Variants in NSF observed in about 807,000 individuals in gnomAD.
NSF encodes the protein N-ethylmaleimide sensitive factor, vesicle fusing ATPase.
In NSF, 14 loss-of-function variants were observed where a neutral mutation model predicts 50.3. The ratio of observed to expected loss-of-function variants is 0.28; its 90% CI spans 0.18 to 0.44. The LOEUF (loss-of-function observed/expected upper bound fraction) is 0.44, where lower values mean the gene tolerates loss of function less well. NSF is among the 20% of genes least tolerant of loss of function. NSF has a pLI of 1.00. For synonymous variants in NSF, 109 were observed against 175.7 expected (o/e 0.62, Z 3.00); for missense variants, 218 against 504.3 (o/e 0.43, Z 5.44).
chr17:46,739,283 A>G (rs1011468421), intron 17 of NSF, among the ~76,000 whole-genome samples: 1 of 148,716 alleles, frequency 6.7e-6, no homozygotes, highest in Admixed American at 6.9e-5. Flanking sequence ...AGGCAGGAGA[A>G]TCGCTTGAAC....
intron 17 of NSF, among the ~76,000 whole-genome samples, chr17:46,734,128 T>C (rs2058977290): frequency 6.6e-6 from 1 of 152,232 alleles, no homozygotes; most frequent in Non-Finnish European, 1.5e-5. Context: ...ATAGGACATC[T>C]TGGTATCTTG....
rs377228000 is a variant in NSF at position 46,693,064 on chromosome 17, C to A, written c.1107C>A (p.Val369=). ...DGVEQLNNIL[V]IGMTNRPDLI... ...TGGAGCAGCTAAACAACATCCTAGT[C>A]ATTGGTATGTTTACTTTTTAAAAAA... The change falls in exon 10 of 21, where the codon GTC becomes GTA. Residue 369 remains valine (V), a synonymous_variant. Transcript: ENST00000398238. 19 of 1,610,610 alleles carry A rather than the reference C, an allele frequency of 1.2e-5. No individual in the cohort carries two copies. In the African/African-American group the frequency reaches 2.4e-4, roughly 21 times the overall value.
At chr17:46,751,389 C>A in intron 18 of NSF, 114 bp from the exon 19 acceptor site, 1 of 728,922 alleles carries the variant, frequency 1.4e-6, no homozygotes, top group Non-Finnish European at 2.3e-6. Context: ...AGAATTCTAT[C>A]AACTTGAACA....
At chr17:46,752,816 T>C (rs903507503) in intron 19 of NSF, among the ~76,000 whole-genome samples, 6 of 152,082 alleles carry the variant, frequency 3.9e-5, no homozygotes, top group Admixed American at 6.5e-5. Flanking sequence ...TTGCCCAGGC[T>C]TGAGTAGTGG....
intron 17 of NSF, among the ~76,000 whole-genome samples, chr17:46,738,947 C>CA (rs1410937417): frequency 6.7e-6 from 1 of 150,292 alleles, no homozygotes; most frequent in Admixed American, 6.6e-5. Context: ...ACTAAAAATA[C>CA]AAAAAAGTCC....
intron 17 of NSF, among the ~76,000 whole-genome samples, chr17:46,742,153 A>G (rs8065602): frequency 0.15 from 22,669 of 152,234 alleles, 3,356 homozygotes; most frequent in East Asian, 0.6. Flanking sequence ...TAGCTAATCA[A>G]TTGATTAAAA....
At chr17:46,749,631 T>C in intron 17 of NSF, 142 bp from the exon 18 acceptor site, 1 of 742,138 alleles carries the variant, frequency 1.3e-6, no homozygotes, top group Non-Finnish European at 2.0e-6. Flanking sequence ...AGGAAAATCC[T>C]GAATTGTTTT....
chr17:46,745,726 A>G (rs1037436620), intron 17 of NSF, among the ~76,000 whole-genome samples: 15 of 152,328 alleles, frequency 9.8e-5, no homozygotes, highest in African/African-American at 3.4e-4. Context: ...CATACTGAGG[A>G]TGTATCAGCA....
chr17:46,722,042 T>C, intron 15 of NSF: 1 of 1,609,584 alleles, frequency 6.2e-7, no homozygotes, highest in Non-Finnish European at 8.5e-7. Flanking sequence ...AATATTCAGC[T>C]CCCTGAGCTG....
chr17:46,709,011 G>A (rs960351766), intron 13 of NSF, among the ~76,000 whole-genome samples: 3 of 151,250 alleles, frequency 2.0e-5, no homozygotes, highest in Admixed American at 2.0e-4. Context: ...TTTTAGTAGA[G>A]ACGAGGTTTC....
chr17:46,634,580 A>G (rs1410819608), intron 4 of NSF, among the ~76,000 whole-genome samples: 1 of 64,640 alleles, frequency 1.5e-5, no homozygotes, highest in South Asian at 5.7e-4. Flanking sequence ...CTACTTGAGA[A>G]TCTGAGGCAC....
chr17:46,756,721 C>T lies in NSF; in HGVS notation c.*898C>T, dbSNP rs1370258764. 6.6e-6 allele frequency: 1 copy of T among 152,584 alleles called. No homozygotes were observed. The highest frequency in any genetic ancestry group is 2.4e-5 in the African/African-American group (1 of 41,418). 9.5% of individuals were successfully genotyped at this position (152,584 alleles called of 1,614,324 possible). On this transcript the variant is annotated 3_prime_UTR_variant, in exon 21 of 21. Transcript: ENST00000398238. ...CACTGCTTTTTCCTTAGCTTAATGA[C>T]TTACTTAGAATTTATCCTTTATTTT...
At chr17:46,732,783 CAGG>C (rs2058962935) in intron 17 of NSF, among the ~76,000 whole-genome samples, 3 of 152,224 alleles carry the variant, frequency 2.0e-5, no homozygotes, top group South Asian at 2.1e-4. Context: ...CTGTGTTCTG[CAGG>C]AGAAGAGATC....
intron 9 of NSF, among the ~76,000 whole-genome samples, chr17:46,685,428 G>T (rs888902523): frequency 6.6e-6 from 1 of 151,782 alleles, no homozygotes; most frequent in African/African-American, 2.4e-5. Context: ...ACATAATAAA[G>T]AAAAACATCA....
chr17:46,715,429 G>A (rs2058758888), intron 15 of NSF, among the ~76,000 whole-genome samples: 1 of 152,162 alleles, frequency 6.6e-6, no homozygotes, highest in African/African-American at 2.4e-5. Context: ...TGTAGCTGTT[G>A]AATGTCCCAT....
intron 1 of NSF, among the ~76,000 whole-genome samples, chr17:46,610,099 TTC>T (rs369452486): frequency 0.21 from 18,410 of 89,516 alleles, 3,725 homozygotes; most frequent in African/African-American, 0.53. Context: ...TTTTCTCTCT[TTC>T]TCTCTCTCTC....
At chr17:46,739,483 G>A (rs1315203136) in intron 17 of NSF, among the ~76,000 whole-genome samples, 1 of 151,212 alleles carries the variant, frequency 6.6e-6, no homozygotes, top group Admixed American at 6.6e-5. Flanking sequence ...AGGCTGCAGT[G>A]AGTGGAGATC....
intron 9 of NSF, among the ~76,000 whole-genome samples, chr17:46,685,409 A>G (rs2058487708): frequency 6.6e-6 from 1 of 151,724 alleles, no homozygotes; most frequent in African/African-American, 2.4e-5. Flanking sequence ...CAGGATATAT[A>G]TGTGTGTTAC....
chr17:46,605,056 A>G (rs1192891258), intron 1 of NSF, among the ~76,000 whole-genome samples: 2 of 6,674 alleles, frequency 3.0e-4, no homozygotes, highest in Non-Finnish European at 8.2e-4. Flanking sequence ...AAAACAACCT[A>G]CAAATTTAGG....
Sources: allele counts gnomAD v4.1 joint callset (sites outside exome capture counted in the v4.1 genomes callset), GRCh38; gene constraint gnomAD v4.1.1; transcripts MANE v1.5; gene names NCBI Gene and HGNC (gene_info 2026-07-23, HGNC 2026-07-21).